FBXL7: variants seen among roughly 807,000 people sequenced by gnomAD.
The protein encoded by FBXL7 is F-box/LRR-repeat protein 7.
FBXL7 carries 12 observed loss-of-function variants against 38.3 expected under a neutral mutation model. The observed-to-expected ratio is 0.31, with a 90% CI of 0.20 to 0.51. The LOEUF (loss-of-function observed/expected upper bound fraction) is 0.51. FBXL7 is among the 20% of genes least tolerant of loss of function. The pLI, the probability that FBXL7 is intolerant of heterozygous loss-of-function variation, is 0.98. For missense variants in FBXL7, 567 were observed against 676.4 expected, an observed-to-expected ratio of 0.84 and a Z score of 1.79; for synonymous variants, 297 against 300.9, an observed-to-expected ratio of 0.99 and a Z score of 0.13.
At chr5:15,757,882 G>A (rs1486474288) in intron 2 of FBXL7, among the ~76,000 whole-genome samples, 1 of 152,090 alleles carries the variant, frequency 6.6e-6, no homozygotes, top group Non-Finnish European at 1.5e-5. Flanking sequence ...CTCTCTGTAT[G>A]GCATATCCCT....
intron 2 of FBXL7, among the ~76,000 whole-genome samples, chr5:15,691,250 C>T (rs1452663789): frequency 6.6e-6 from 1 of 152,202 alleles, no homozygotes; most frequent in Non-Finnish European, 1.5e-5. Flanking sequence ...AGCAGACACA[C>T]CAAGGGTTGG....
chr5:15,509,549 T>C (rs1415315348), intron 1 of FBXL7, among the ~76,000 whole-genome samples: 1 of 152,212 alleles, frequency 6.6e-6, no homozygotes, highest in East Asian at 1.9e-4. Context: ...GGACAACGTC[T>C]TTAATTCCTG....
chr5:15,545,097 T>C (rs1364871449), intron 1 of FBXL7, among the ~76,000 whole-genome samples: 1 of 152,216 alleles, frequency 6.6e-6, no homozygotes, highest in African/African-American at 2.4e-5. Flanking sequence ...GGAATCTCCT[T>C]AGAACAATTA....
chr5:15,806,875 T>C (rs1246752695), intron 2 of FBXL7, among the ~76,000 whole-genome samples: 4 of 152,212 alleles, frequency 2.6e-5, no homozygotes, highest in Non-Finnish European at 5.9e-5. Context: ...ACAGCTGCCC[T>C]GTTGTCAAAT....
intron 2 of FBXL7, among the ~76,000 whole-genome samples, chr5:15,708,669 T>G (rs185290382): frequency 1.3e-5 from 2 of 152,206 alleles, no homozygotes; most frequent in Admixed American, 6.5e-5. Flanking sequence ...AAATTCCTTT[T>G]TTTTGATTTT....
intron 2 of FBXL7, among the ~76,000 whole-genome samples, chr5:15,914,385 C>CAA (rs57871930): frequency 2.8e-4 from 23 of 81,650 alleles, no homozygotes; most frequent in African/African-American, 8.9e-4. Context: ...GACTCCCTCT[C>CAA]AAAAAAAAAA....
chr5:15,824,118 A>G (rs1738243090), intron 2 of FBXL7, among the ~76,000 whole-genome samples: 1 of 151,850 alleles, frequency 6.6e-6, no homozygotes, highest in Admixed American at 6.6e-5. Context: ...CAACATGGTG[A>G]AACCCCGTCT....
chr5:15,804,209 T>C (rs769173473), intron 2 of FBXL7, among the ~76,000 whole-genome samples: 1 of 152,154 alleles, frequency 6.6e-6, no homozygotes, highest in African/African-American at 2.4e-5. Flanking sequence ...GGCTAACACA[T>C]ATAATCCCAA....
intron 2 of FBXL7, among the ~76,000 whole-genome samples, chr5:15,676,230 A>C (rs1742650788): frequency 6.6e-6 from 1 of 152,154 alleles, no homozygotes; most frequent in Non-Finnish European, 1.5e-5. Flanking sequence ...TCAGCTCTAA[A>C]ATTCTATCTA....
chr5:15,929,039 T>A (rs1158848570), intron 3 of FBXL7, among the ~76,000 whole-genome samples: 1 of 152,176 alleles, frequency 6.6e-6, no homozygotes, highest in African/African-American at 2.4e-5. Flanking sequence ...GCTTAGAAAC[T>A]ATCCTCGCGC....
chr5:15,590,275 G>A (rs1207885112), intron 1 of FBXL7, among the ~76,000 whole-genome samples: 1 of 152,040 alleles, frequency 6.6e-6, no homozygotes, highest in Non-Finnish European at 1.5e-5. Flanking sequence ...ACATCTCTTG[G>A]ATTTATTGAT....
intron 2 of FBXL7, among the ~76,000 whole-genome samples, chr5:15,733,099 C>CT (rs1561104177): frequency 7.3e-6 from 1 of 137,158 alleles, no homozygotes; most frequent in African/African-American, 2.6e-5. Context: ...TTGTTTCTTT[C>CT]TTTCTTTTTT....
chr5:15,894,820 T>A (rs952503244), intron 2 of FBXL7, among the ~76,000 whole-genome samples: 1 of 152,256 alleles, frequency 6.6e-6, no homozygotes, highest in Admixed American at 6.5e-5. Context: ...CAATTCTAGC[T>A]GTGCCATCAG....
chr5:15,646,704 G>A (rs1265192097), intron 2 of FBXL7, among the ~76,000 whole-genome samples: 1 of 152,172 alleles, frequency 6.6e-6, no homozygotes, highest in African/African-American at 2.4e-5. Flanking sequence ...AATGTTAACG[G>A]TGTGTTACCA....
intron 2 of FBXL7, among the ~76,000 whole-genome samples, chr5:15,744,580 GTCT>G (rs765434047): frequency 2.0e-5 from 3 of 152,150 alleles, no homozygotes; most frequent in Non-Finnish European, 4.4e-5. Context: ...ACACTTTCCT[GTCT>G]TCTTCTGAGC....
chr5:15,790,508 A>G (rs1245106755), intron 2 of FBXL7, among the ~76,000 whole-genome samples: 1 of 152,194 alleles, frequency 6.6e-6, no homozygotes, highest in Non-Finnish European at 1.5e-5. Context: ...ACCACCATTT[A>G]TTATTAAAGC....
At chr5:15,601,416 C>T (rs1739786098) in intron 1 of FBXL7, among the ~76,000 whole-genome samples, 1 of 152,190 alleles carries the variant, frequency 6.6e-6, no homozygotes, top group Admixed American at 6.5e-5. Context: ...TTACTCTCTT[C>T]AGAAACCCAG....
intron 1 of FBXL7, among the ~76,000 whole-genome samples, chr5:15,564,733 C>T (rs911558195): frequency 1.3e-4 from 20 of 151,738 alleles, no homozygotes; most frequent in Admixed American, 4.6e-4. Context: ...GGAAGGTTTC[C>T]GACACTAAAT....
intron 2 of FBXL7, among the ~76,000 whole-genome samples, chr5:15,729,291 C>G (rs1162054167): frequency 6.6e-6 from 1 of 152,120 alleles, no homozygotes; most frequent in Non-Finnish European, 1.5e-5. Flanking sequence ...ATTGATTGTT[C>G]TGGATAATTT....
Sources: allele counts gnomAD v4.1 joint callset (sites outside exome capture counted in the v4.1 genomes callset), GRCh38; gene constraint gnomAD v4.1.1; transcripts MANE v1.5; gene names NCBI Gene and HGNC (gene_info 2026-07-23, HGNC 2026-07-21).